GADL1: variants seen among roughly 807,000 people sequenced by gnomAD.
The protein encoded by GADL1 is GAD like acidic amino acid decarboxylase 1.
GADL1 carries 71 observed loss-of-function variants against 69.5 expected under a neutral mutation model. The ratio of observed to expected loss-of-function variants is 1.02; its 90% confidence interval spans 0.84 to 1.25. The LOEUF is 1.25. GADL1 is among the 50% of genes most tolerant of loss of function. The pLI, the probability that GADL1 is intolerant of heterozygous loss-of-function variation, is 0.00. For missense variants in GADL1, 737 were observed against 631.8 expected, an observed-to-expected ratio of 1.17 and a Z score of -1.79; for synonymous variants, 254 against 214.4, an observed-to-expected ratio of 1.18 and a Z score of -1.62.
chr3:30,748,573 A>G (rs1002105301), intron 14 of GADL1, among the ~76,000 whole-genome samples: 3 of 152,200 alleles, frequency 2.0e-5, no homozygotes, highest in Admixed American at 6.5e-5. Context: ...TCTATCAGCC[A>G]TGGTATTTTT....
At chr3:30,732,787 G>T (rs116804872) in intron 14 of GADL1, among the ~76,000 whole-genome samples, 372 of 152,298 alleles carry the variant, frequency 2.4e-3, no homozygotes, top group African/African-American at 8.7e-3. Context: ...GTCGGGCATG[G>T]TTGCTCACGC....
chr3:30,850,889 T>A lies in GADL1; in HGVS notation c.481A>T (p.Lys161Ter). ...CAGCCAATAAATTCAATCATTTTCT[T>A]CAGAACCGCTTCTTCCACTAACAGA... ...VFLLVEEAVL[K>*]KMIEFIGWKE... Residue 161 changes from lysine (K) to a stop codon, truncating the protein, a stop_gained, in exon 5 of 15, where the codon AAG becomes TAG. Coordinates refer to ENST00000282538, the MANE Select transcript of GADL1 (RefSeq NM_207359.3). LOFTEE classifies it high-confidence loss of function. 1 of 1,550,802 alleles carries A rather than the reference T, an allele frequency of 6.4e-7. No individual in the cohort carries two copies. The highest frequency in any genetic ancestry group is 8.7e-7 in the Non-Finnish European group (1 of 1,146,270).
chr3:30,770,804 C>T (rs1296725458), intron 14 of GADL1, among the ~76,000 whole-genome samples: 3 of 136,696 alleles, frequency 2.2e-5, no homozygotes, highest in Non-Finnish European at 4.5e-5. Context: ...TAGAACAATC[C>T]AACAGAAACA....
chr3:30,754,552 AAG>A (rs747853600), intron 14 of GADL1, among the ~76,000 whole-genome samples: 1 of 151,968 alleles, frequency 6.6e-6, no homozygotes, highest in Non-Finnish European at 1.5e-5. Context: ...ACAGATGACA[AAG>A]AGTGTATTAC....
At chr3:30,800,792 TAC>T (rs1230384265) in intron 12 of GADL1, 95 bp downstream of exon 12, 2 of 1,010,642 alleles carry the variant, frequency 2.0e-6, no homozygotes, top group African/African-American at 1.7e-5. Context: ...GTCTTCCTAT[TAC>T]AGACACAGAT....
At chr3:30,781,233 T>C (rs896181239) in intron 13 of GADL1, among the ~76,000 whole-genome samples, 1 of 152,204 alleles carries the variant, frequency 6.6e-6, no homozygotes, top group African/African-American at 2.4e-5. Flanking sequence ...ATACATTCTA[T>C]ACCGGTTTTC....
intron 11 of GADL1, among the ~76,000 whole-genome samples, chr3:30,833,613 T>C (rs368741943): frequency 7.2e-5 from 11 of 152,102 alleles, no homozygotes; most frequent in African/African-American, 1.9e-4. Context: ...GAGACCATTT[T>C]GCTGTAACTA....
chr3:30,827,089 C>G (rs758727485), intron 11 of GADL1, among the ~76,000 whole-genome samples: 16 of 152,014 alleles, frequency 1.1e-4, no homozygotes, highest in Non-Finnish European at 1.3e-4. Flanking sequence ...AAAGGACATA[C>G]TACTTCACAT....
chr3:30,886,730 A>T (rs1262811634), intron 1 of GADL1, among the ~76,000 whole-genome samples: 1 of 152,196 alleles, frequency 6.6e-6, no homozygotes. Context: ...GCTTTGCAGC[A>T]TCCAGCCTGA....
chr3:30,850,046 C>G lies in GADL1; in HGVS notation c.601G>C (p.Glu201Gln), dbSNP rs754467804. Reference sequence around the variant, plus strand: ...CTTGGCGAACCAGACAGCCCCTTTTCCTTAATATCAGGACAATATTTGTAT... The same window carrying G: ...CTTGGCGAACCAGACAGCCCCTTTTGCTTAATATCAGGACAATATTTGTAT... ...ARYKYCPDIKEKGLSGSPRLI... is the reference protein window; with the variant it reads ...ARYKYCPDIKQKGLSGSPRLI... Residue 201 changes from glutamate to glutamine, a missense_variant, in exon 6 of 15, where the codon GAA becomes CAA. Glu to Gln is a conservative substitution (Grantham distance 29). Coordinates refer to ENST00000282538, the MANE Select transcript of GADL1 (RefSeq NM_207359.3). 9.3e-6 allele frequency: 15 copies of G among 1,612,054 alleles called. No homozygotes were observed. The highest frequency in any genetic ancestry group is 1.3e-5 in the Non-Finnish European group (15 of 1,178,596).
intron 14 of GADL1, among the ~76,000 whole-genome samples, chr3:30,766,227 C>A (rs1464265787): frequency 2.0e-5 from 3 of 152,108 alleles, no homozygotes; most frequent in Non-Finnish European, 4.4e-5. Flanking sequence ...AGAATATAGG[C>A]ACAAGGCATC....
chr3:30,786,441 G>A (rs1330641362), intron 12 of GADL1, 35 bp from the exon 13 acceptor site: 5 of 1,096,104 alleles, frequency 4.6e-6, no homozygotes, highest in Non-Finnish European at 5.6e-6. Context: ...TTTATAATCT[G>A]CAATGTAAAA....
At chr3:30,752,675 A>G (rs1241284924) in intron 14 of GADL1, among the ~76,000 whole-genome samples, 1 of 152,198 alleles carries the variant, frequency 6.6e-6, no homozygotes, top group Non-Finnish European at 1.5e-5. Flanking sequence ...GCACTGTGAC[A>G]GTAGCAGAAG....
At chr3:30,846,339 G>T (rs771848291) in intron 6 of GADL1, among the ~76,000 whole-genome samples, 2 of 152,152 alleles carry the variant, frequency 1.3e-5, no homozygotes, top group Non-Finnish European at 2.9e-5. Context: ...CTCTCAGCGG[G>T]TGTTCATTTC....
chr3:30,750,968 C>A (rs79511883), intron 14 of GADL1, among the ~76,000 whole-genome samples: 1 of 152,076 alleles, frequency 6.6e-6, no homozygotes, highest in African/African-American at 2.4e-5. Flanking sequence ...ATAAAAGAAG[C>A]GTGCTTTGAG....
intron 14 of GADL1, among the ~76,000 whole-genome samples, chr3:30,740,008 A>C (rs1395357224): frequency 6.6e-6 from 1 of 151,970 alleles, no homozygotes; most frequent in Non-Finnish European, 1.5e-5. Context: ...CTTGCTCAAC[A>C]CTCCTAGTGT....
At chr3:30,793,414 C>CG (rs1696963040) in intron 12 of GADL1, among the ~76,000 whole-genome samples, 2 of 151,692 alleles carry the variant, frequency 1.3e-5, no homozygotes, top group African/African-American at 2.4e-5. Flanking sequence ...TGGTGCAAGC[C>CG]GGAAAAAAAG....
intron 1 of GADL1, among the ~76,000 whole-genome samples, chr3:30,888,743 G>A (rs1698744053): frequency 6.6e-6 from 1 of 151,964 alleles, no homozygotes; most frequent in Admixed American, 6.6e-5. Context: ...GTGCCTATGA[G>A]GGAAGATATT....
At chr3:30,741,233 G>T (rs1695622181) in intron 14 of GADL1, among the ~76,000 whole-genome samples, 1 of 138,740 alleles carries the variant, frequency 7.2e-6, no homozygotes, top group Non-Finnish European at 1.5e-5. Flanking sequence ...CCAACACTGT[G>T]GTGTTATACT....
Sources: allele counts gnomAD v4.1 joint callset (sites outside exome capture counted in the v4.1 genomes callset), GRCh38; gene constraint gnomAD v4.1.1; transcripts MANE v1.5; gene names NCBI Gene and HGNC (gene_info 2026-07-23, HGNC 2026-07-21).